ZNF689: variants seen among roughly 807,000 people sequenced by gnomAD.
ZNF689 encodes zinc finger protein 689, also known as short ORF-encoded histone-binding protein.
In ZNF689, 14 loss-of-function variants were observed where a neutral mutation model predicts 37.2. The ratio of observed to expected loss-of-function variants is 0.38; its 90% CI spans 0.25 to 0.59. The LOEUF is 0.59. Ranked by LOEUF, ZNF689 falls within the 20% of genes least tolerant of loss-of-function variation. The probability of loss-of-function intolerance (pLI) is 0.68; values close to 1 mark genes in which losing one functional copy is unlikely to be tolerated. For synonymous variants in ZNF689, 277 were observed against 283.3 expected (o/e 0.98, Z 0.22); for missense variants, 573 against 700.2 (o/e 0.82, Z 2.05).
At chr16:30,606,296 C>T (rs1365212666) in intron 2 of ZNF689, among the ~76,000 whole-genome samples, 1 of 152,094 alleles carries the variant, frequency 6.6e-6, no homozygotes, top group African/African-American at 2.4e-5. Flanking sequence ...CAGCAAGACC[C>T]TATCTCAAAA....
In ZNF689 at chr16:30,604,954, G is replaced by T; in HGVS notation, c.813C>A (p.Ala271=). Residue 271 remains alanine (A), a synonymous_variant, in exon 3 of 3, where the codon GCC becomes GCA. Coordinates refer to ENST00000287461, the MANE Select transcript of ZNF689 (RefSeq NM_138447.3). The surrounding 1 kb of genome is among the most constrained non-coding windows in gnomAD (Gnocchi z 5.2). ...GGTGGATGGCTAGCAGGGAGGGGTA[G>T]GCGAAGCGACGTCCACAGCTAGGGC... ...HQCPSCGRRF[A]YPSLLAIHQR... 6.3e-7 allele frequency: 1 copy of T among 1,578,076 alleles called. No homozygotes were observed. Among genetic ancestry groups the T allele is most frequent in the Non-Finnish European group, 8.6e-7 (1 of 1,160,412 alleles).
At chr16:30,610,678 T>C (rs1040062521), upstream of ZNF689, 1 of 152,384 alleles carries the variant, frequency 6.6e-6, no homozygotes, top group African/African-American at 2.4e-5. Flanking sequence ...ATTTGAGCGA[T>C]GGAGCCACTC....
At position 30,603,823 on chromosome 16, in the gene ZNF689, T is replaced by C. The variant is rs1453173542; in HGVS notation, c.*441A>G. ...TTTCAAGCAATGGGTAGAAGACCAC[T>C]TGGCAGGAGTGTTGCAAAAAGTGGG... On this transcript the variant is annotated 3_prime_UTR_variant, in exon 3 of 3. Coordinates refer to ENST00000287461, the MANE Select transcript of ZNF689 (RefSeq NM_138447.3). The C allele has an allele frequency of 6.1e-6, 2 of 329,338 alleles. No individual in the cohort carries two copies. The highest frequency in any genetic ancestry group is 1.6e-4 in the East Asian group (2 of 12,654). The allele number at this position is 329,338 out of a possible 1,614,324, so 20.4% of individuals were successfully genotyped here.
At chr16:30,607,695 C>T (rs184811535) in intron 2 of ZNF689, among the ~76,000 whole-genome samples, 2 of 152,032 alleles carry the variant, frequency 1.3e-5, no homozygotes, top group Admixed American at 6.6e-5. Flanking sequence ...ACAGGCTGGG[C>T]GCGGTGGCTT....
chr16:30,604,581 T>G lies in ZNF689; in HGVS notation c.1186A>C (p.Thr396Pro). 6.3e-7 allele frequency: 1 copy of G among 1,590,682 alleles called. No homozygotes were observed. Among genetic ancestry groups the G allele is most frequent in the Non-Finnish European group, 8.6e-7 (1 of 1,169,028 alleles). Residue 396 changes from threonine (T) to proline (P), a missense_variant, in exon 3 of 3, where the codon ACA becomes CCA. Thr to Pro is a conservative substitution (Grantham distance 38, BLOSUM62 -1). Around this residue, in one of 3 missense-constraint regions of ZNF689, gnomAD observed 317 missense variants for 367.1 expected, o/e 0.86. Coordinates refer to ENST00000287461, the MANE Select transcript of ZNF689 (RefSeq NM_138447.3). This position sits in a 1 kb window ranked among gnomAD's most constrained non-coding sequence, Gnocchi z 5.2. ...TCGCAGGCGTGCAGCTTCTCCTCTG[T>G]GTGCGTGCTGCGATGGATGGCCAGG... Reference protein sequence around the residue: ...GSLAIHRSTHTEEKLHACDDC... With the variant: ...GSLAIHRSTHPEEKLHACDDC...
chr16:30,607,248 CAAAAA>C (rs758625831), intron 2 of ZNF689, among the ~76,000 whole-genome samples: 191 of 18,610 alleles, frequency 0.01, no homozygotes, highest in African/African-American at 0.021. Context: ...GACTCCATCT[CAAAAA>C]AAAAAAAAAA....
rs1421526019 is a variant in ZNF689, at chr16:30,604,440, G to C, written c.1327C>G (p.His443Asp). 2 of 1,612,698 alleles carry C rather than the reference G, an allele frequency of 1.2e-6. No homozygotes were observed. Among genetic ancestry groups the C allele is most frequent in the Non-Finnish European group, 1.7e-6 (2 of 1,179,610 alleles). ...LCSKRFAQWS[H>D]LAQHQLLHTG... is the part of the protein sequence containing the mutation. ...TGCAGCAGCTGGTGCTGGGCCAGGT[G>C]GCTCCACTGAGCAAAACGCTTGGAG... The change falls in exon 3 of 3, where the codon CAC (histidine) becomes GAC (aspartate). Residue 443 changes from histidine to aspartate, a missense_variant. His to Asp is a moderately conservative substitution (Grantham distance 81). This residue lies in a region of ZNF689 where 317 missense variants were observed against 367.1 expected (regional missense o/e 0.86). Transcript: ENST00000287461. This position sits in a 1 kb window ranked among gnomAD's most constrained non-coding sequence, Gnocchi z 5.2.
At position 30,605,287 on chromosome 16, in the gene ZNF689, A is replaced by G; in HGVS notation, c.480T>C (p.Asp160=). Residue 160 remains aspartate (D), a synonymous_variant, in exon 3 of 3, where the codon GAT becomes GAC. Coordinates refer to ENST00000287461, the MANE Select transcript of ZNF689 (RefSeq NM_138447.3). The surrounding 1 kb of genome is among the most constrained non-coding windows in gnomAD (Gnocchi z 5.1). ...ICPDCGCTFP[D]HQALESHKCA... Reference sequence around the variant, plus strand: ...ACTTGTGGCTCTCCAGGGCCTGATGATCAGGGAAGGTACAGCCGCAGTCAG... The same window carrying G: ...ACTTGTGGCTCTCCAGGGCCTGATGGTCAGGGAAGGTACAGCCGCAGTCAG... The G allele has an allele frequency of 6.2e-7, 1 of 1,610,554 alleles. No individual in the cohort carries two copies. The highest frequency in any genetic ancestry group is 8.5e-7 in the Non-Finnish European group (1 of 1,177,616).
chr16:30,604,348 A>G lies in ZNF689; in HGVS notation c.1419T>C (p.Ala473=), dbSNP rs1401553830. Residue 473 remains alanine, a synonymous_variant, in exon 3 of 3, where the codon GCT becomes GCC. Transcript: ENST00000287461. This position sits in a 1 kb window ranked among gnomAD's most constrained non-coding sequence, Gnocchi z 5.2. ...GRCFRQRWSL[A]VHKCSPKAPN... is the part of the protein sequence containing the mutation. Reference sequence around the variant, plus strand: ...GGGCCTTGGGGCTACACTTGTGGACAGCCAGAGACCACCTCTGGCGGAAGC... The same window carrying G: ...GGGCCTTGGGGCTACACTTGTGGACGGCCAGAGACCACCTCTGGCGGAAGC... The G allele has an allele frequency of 2.5e-6, 4 of 1,613,582 alleles. No homozygotes were observed. The African/African-American group carries it at 4.0e-5, about 16-fold the overall frequency.
chr16:30,609,400 C>T, intron 2 of ZNF689, 125 bp downstream of exon 2: 1 of 734,202 alleles, frequency 1.4e-6, no homozygotes, highest in Non-Finnish European at 2.3e-6. Flanking sequence ...ACACAAGAGG[C>T]TGGGAAGATG....
At position 30,604,183 on chromosome 16, in the gene ZNF689, G is replaced by C. The variant is rs1237101247; in HGVS notation, c.*81C>G. On this transcript the variant is annotated 3_prime_UTR_variant, in exon 3 of 3. Transcript: ENST00000287461. The surrounding 1 kb of genome is among the most constrained non-coding windows in gnomAD (Gnocchi z 5.2). ...GAGACCCGGGTTTAGTTCTGACTCT[G>C]CCCTGTATGACCTGGGGCTCCTCCT... The C allele has an allele frequency of 1.4e-6, 2 of 1,470,492 alleles. No homozygotes were observed. Among genetic ancestry groups the C allele is most frequent in the South Asian group, 2.3e-5 (2 of 85,246 alleles). The allele number at this position is 1,470,492 out of a possible 1,614,324, so 91.1% of individuals were successfully genotyped here.
At position 30,604,265 on chromosome 16, in the gene ZNF689, T is replaced by C; in HGVS notation, c.1502A>G (p.Ter501TrpextTer41). The change falls in exon 3 of 3, where the codon TAG becomes TGG. Residue 501 changes from the stop codon to tryptophan (W), a stop_lost. Coordinates refer to ENST00000287461, the MANE Select transcript of ZNF689 (RefSeq NM_138447.3). The surrounding 1 kb of genome is among the most constrained non-coding windows in gnomAD (Gnocchi z 5.2). ...GGSSQRGNAH* is the reference protein window; with the variant it reads ...GGSSQRGNAHW ...TGAACGTAGGCAGTCCTTCCCCTTC[T>C]AATGGGCGTTGCCCCTCTGACTGGA... is the stretch of plus-strand genomic sequence containing the variant. 2.5e-6 allele frequency: 4 copies of C among 1,614,136 alleles called. No individual in the cohort carries two copies. Among genetic ancestry groups the C allele is most frequent in the Non-Finnish European group, 3.4e-6 (4 of 1,180,008 alleles).
Position 30,604,450 on chromosome 16 carries a change from A to G in ZNF689, c.1317T>C (p.Ala439=). 6.2e-7 allele frequency: 1 copy of G among 1,611,988 alleles called. No homozygotes were observed. The highest frequency in any genetic ancestry group is 8.5e-7 in the Non-Finnish European group (1 of 1,179,238). The change falls in exon 3 of 3, where the codon GCT becomes GCC. Residue 439 remains alanine, a synonymous_variant. Coordinates refer to ENST00000287461, the MANE Select transcript of ZNF689 (RefSeq NM_138447.3). This position sits in a 1 kb window ranked among gnomAD's most constrained non-coding sequence, Gnocchi z 5.2. ...YACDLCSKRF[A]QWSHLAQHQL... is the part of the protein sequence containing the mutation. Reference sequence around the variant, plus strand: ...GGTGCTGGGCCAGGTGGCTCCACTGAGCAAAACGCTTGGAGCAAAGGTCGC... The same window carrying G: ...GGTGCTGGGCCAGGTGGCTCCACTGGGCAAAACGCTTGGAGCAAAGGTCGC...
Position 30,604,160 on chromosome 16 carries a change from G to C in ZNF689, c.*104C>G. ...CAAAGTTCAGCTCTGTGCAGCAGGA[G>C]ACCCGGGTTTAGTTCTGACTCTGCC... On this transcript the variant is annotated 3_prime_UTR_variant, in exon 3 of 3. Coordinates refer to ENST00000287461, the MANE Select transcript of ZNF689 (RefSeq NM_138447.3). This position sits in a 1 kb window ranked among gnomAD's most constrained non-coding sequence, Gnocchi z 5.2. 8.1e-7 allele frequency: 1 copy of C among 1,235,682 alleles called. No individual in the cohort carries two copies. The highest frequency in any genetic ancestry group is 1.2e-6 in the Non-Finnish European group (1 of 856,580). The allele number at this position is 1,235,682 out of a possible 1,614,324, so 76.5% of individuals were successfully genotyped here. A position where few individuals can be genotyped will look rare whatever the true frequency, so the allele number is the denominator to read the frequency against.
chr16:30,604,824 T>TA lies in ZNF689; in HGVS notation c.942_943insT (p.Lys315Ter). 6.2e-7 allele frequency: 1 copy of TA among 1,606,632 alleles called. No homozygotes were observed. The highest frequency in any genetic ancestry group is 8.5e-7 in the Non-Finnish European group (1 of 1,176,122). On this transcript the variant is annotated frameshift_variant, in exon 3 of 3. Transcript: ENST00000287461. LOFTEE classifies it high-confidence loss of function. The surrounding 1 kb of genome is among the most constrained non-coding windows in gnomAD (Gnocchi z 5.2). ...TCGCAGTCCGGGCACGGGTAGGGCTTCTCGCCCGTGTGGATGCGCTGGTGG... is the reference window on the plus strand; with the variant it reads ...TCGCAGTCCGGGCACGGGTAGGGCTTACTCGCCCGTGTGGATGCGCTGGTGG...
intron 2 of ZNF689, 107 bp downstream of exon 2, chr16:30,609,418 T>TAA: frequency 5.6e-6 from 5 of 893,334 alleles, no homozygotes; most frequent in Non-Finnish European, 8.8e-6. Flanking sequence ...ATGAATATAC[T>TAA]AAATACGCGG....
chr16:30,609,723 G>A (rs1039784167), intron 1 of ZNF689, 85 bp from the exon 2 acceptor site: 2 of 1,592,026 alleles, frequency 1.3e-6, no homozygotes, highest in Non-Finnish European at 8.6e-7. Flanking sequence ...CTAAGCCCCT[G>A]CCCACCTCCC....
intron 2 of ZNF689, among the ~76,000 whole-genome samples, chr16:30,608,977 C>T (rs1567529118): frequency 6.6e-6 from 1 of 152,140 alleles, no homozygotes; most frequent in Admixed American, 6.5e-5. Context: ...GGTCATCCTG[C>T]CGTAAGAGCA....
At position 30,603,020 on chromosome 16, in the gene ZNF689, T is replaced by G. The variant is rs2051993299; in HGVS notation, c.*1244A>C. 2 of 152,244 alleles carry G rather than the reference T, an allele frequency of 1.3e-5. No homozygotes were observed. Among genetic ancestry groups the G allele is most frequent in the Non-Finnish European group, 2.9e-5 (2 of 68,056 alleles). The allele number at this position is 152,244 out of a possible 1,614,324, so 9.4% of individuals were successfully genotyped here. A position where few individuals can be genotyped will look rare whatever the true frequency, so the allele number is the denominator to read the frequency against. On this transcript the variant is annotated 3_prime_UTR_variant, in exon 3 of 3. Transcript: ENST00000287461. ...TCCTCTCTGGATTCAGTTCCCTCTT[T>G]CTAGCCTCCTTGAATGGCCTCAGCT...
Sources: allele counts gnomAD v4.1 joint callset (sites outside exome capture counted in the v4.1 genomes callset), GRCh38; gene constraint gnomAD v4.1.1; regional missense constraint gnomAD v4.1.1; non-coding constraint Gnocchi (gnomAD v3.1); transcripts MANE v1.5; gene names NCBI Gene and HGNC (gene_info 2026-07-23, HGNC 2026-07-21).